CACNG2: variants seen among roughly 807,000 people sequenced by gnomAD.
The protein encoded by CACNG2 is voltage-dependent calcium channel gamma-2 subunit.
A neutral mutation model predicts 25.9 loss-of-function variants in CACNG2; 3 were observed. That is an observed-to-expected ratio of 0.12 (90% CI 0.05 to 0.30). The LOEUF is 0.30. CACNG2 is among the 10% of genes least tolerant of loss of function. The pLI, the probability that CACNG2 is intolerant of heterozygous loss-of-function variation, is 1.00. For missense variants in CACNG2, 341 were observed against 432.5 expected, an observed-to-expected ratio of 0.79 and a Z score of 1.88; for synonymous variants, 167 against 173.3, an observed-to-expected ratio of 0.96 and a Z score of 0.29.
intron 1 of CACNG2, among the ~76,000 whole-genome samples, chr22:36,608,866 AGTG>A (rs1264451634): frequency 6.6e-6 from 1 of 152,200 alleles, no homozygotes; most frequent in Non-Finnish European, 1.5e-5. Context: ...CAGTACATGC[AGTG>A]AGCTCTCAGT....
intron 1 of CACNG2, among the ~76,000 whole-genome samples, chr22:36,637,994 C>T (rs575113244): frequency 1.2e-4 from 18 of 152,006 alleles, no homozygotes; most frequent in African/African-American, 4.3e-4. Context: ...TGTACTCCAG[C>T]CTGGGCAACA....
At chr22:36,568,714 A>T (rs1403853673) in intron 2 of CACNG2, among the ~76,000 whole-genome samples, 2 of 152,114 alleles carry the variant, frequency 1.3e-5, no homozygotes, top group African/African-American at 4.8e-5. Context: ...CAGTTTGCTG[A>T]GATGTGTGTG....
chr22:36,687,620 C>T (rs757889247), intron 1 of CACNG2, among the ~76,000 whole-genome samples: 3 of 152,302 alleles, frequency 2.0e-5, no homozygotes, highest in South Asian at 4.1e-4. Flanking sequence ...TCCTGTAACC[C>T]GTGAGTGCGC....
chr22:36,593,901 G>A (rs1288073691), intron 1 of CACNG2, among the ~76,000 whole-genome samples: 1 of 152,200 alleles, frequency 6.6e-6, no homozygotes, highest in Admixed American at 6.5e-5. Flanking sequence ...GGGGGCACTA[G>A]CAGCACTCAA....
intron 1 of CACNG2, among the ~76,000 whole-genome samples, chr22:36,614,616 C>T (rs1020320856): frequency 6.6e-6 from 1 of 152,102 alleles, no homozygotes; most frequent in African/African-American, 2.4e-5. Context: ...TCCGATGCAC[C>T]CAAGCACCAT....
chr22:36,668,590 G>A (rs1364852439), intron 1 of CACNG2, among the ~76,000 whole-genome samples: 1 of 151,964 alleles, frequency 6.6e-6, no homozygotes, highest in Admixed American at 6.6e-5. Context: ...TGGGGCTCAA[G>A]CAATCCTCTT....
chr22:36,689,147 G>T (rs961594403), intron 1 of CACNG2, among the ~76,000 whole-genome samples: 1 of 152,052 alleles, frequency 6.6e-6, no homozygotes, highest in East Asian at 1.9e-4. Flanking sequence ...TCAAGTCCCT[G>T]AGCTCACTGG....
intron 1 of CACNG2, among the ~76,000 whole-genome samples, chr22:36,647,935 G>A (rs1198463009): frequency 1.3e-5 from 2 of 152,182 alleles, no homozygotes; most frequent in African/African-American, 2.4e-5. Context: ...AGCAGGAAAT[G>A]GATTGCTTTC....
chr22:36,644,217 CCCAGGCT>C (rs1461127072), intron 1 of CACNG2, among the ~76,000 whole-genome samples: 2 of 152,184 alleles, frequency 1.3e-5, no homozygotes, highest in Admixed American at 6.5e-5. Flanking sequence ...GCTGTGAGGT[CCCAGGCT>C]CCAGCTGAAC....
chr22:36,598,219 G>A (rs780776479), intron 1 of CACNG2, among the ~76,000 whole-genome samples: 41 of 152,168 alleles, frequency 2.7e-4, no homozygotes, highest in Non-Finnish European at 5.0e-4. Flanking sequence ...GGTGTCCAGC[G>A]ACTGTACTAC....
chr22:36,648,759 G>A (rs542738635), intron 1 of CACNG2, among the ~76,000 whole-genome samples: 8 of 152,210 alleles, frequency 5.3e-5, no homozygotes, highest in Admixed American at 2.0e-4. Context: ...GGGAACCTGG[G>A]AATCTTCTTT....
At chr22:36,665,267 G>A (rs1018773941) in intron 1 of CACNG2, among the ~76,000 whole-genome samples, 1 of 152,200 alleles carries the variant, frequency 6.6e-6, no homozygotes, top group African/African-American at 2.4e-5. Context: ...TGGGTTCGAA[G>A]CCTGCTCTGT....
intron 1 of CACNG2, among the ~76,000 whole-genome samples, chr22:36,636,210 C>A (rs1936355032): frequency 6.6e-6 from 1 of 152,192 alleles, no homozygotes; most frequent in African/African-American, 2.4e-5. Flanking sequence ...CCCATTCTAT[C>A]CCTTTCCACC....
At chr22:36,653,876 G>A (rs1206879311) in intron 1 of CACNG2, among the ~76,000 whole-genome samples, 1 of 151,350 alleles carries the variant, frequency 6.6e-6, no homozygotes, top group Non-Finnish European at 1.5e-5. Context: ...CACATTATAA[G>A]AGAGAGAGGA....
chr22:36,641,859 G>A (rs547729726), intron 1 of CACNG2, among the ~76,000 whole-genome samples: 3 of 152,322 alleles, frequency 2.0e-5, no homozygotes, highest in Admixed American at 2.0e-4. Flanking sequence ...GTCATTTACA[G>A]TTCATGTCTC....
intron 1 of CACNG2, among the ~76,000 whole-genome samples, chr22:36,675,328 G>A (rs74370631): frequency 0.02 from 3,086 of 152,146 alleles, 121 homozygotes; most frequent in African/African-American, 0.071. Flanking sequence ...ACAGGCATGA[G>A]CCACCATGCC....
At chr22:36,662,746 C>T (rs1936818113) in intron 1 of CACNG2, among the ~76,000 whole-genome samples, 1 of 152,196 alleles carries the variant, frequency 6.6e-6, no homozygotes, top group African/African-American at 2.4e-5. Flanking sequence ...GTCTCCTGGG[C>T]ACCGTGCATG....
rs115330652 is a variant in CACNG2, at chr22:36,660,064, C to T, written c.211+42302G>A. Among the ~76,000 whole-genome samples, 333 of 152,330 alleles carry T rather than the reference C, an allele frequency of 2.2e-3. 3 individuals carry two copies. Among genetic ancestry groups the T allele is most frequent in the African/African-American group, 7.6e-3 (314 of 41,576 alleles). On this transcript the variant is annotated intron_variant, in intron 1 of 3. Coordinates refer to ENST00000300105, the MANE Select transcript of CACNG2 (RefSeq NM_006078.5). ...CTCTGCTCCTGGTACCCGCACAAGC[C>T]GGGGCCTCCCAGGTCAGCTCTCATT...
At chr22:36,576,307 A>G (rs575035274) in intron 2 of CACNG2, among the ~76,000 whole-genome samples, 1 of 152,316 alleles carries the variant, frequency 6.6e-6, no homozygotes, top group African/African-American at 2.4e-5. Flanking sequence ...GTTCTCACTC[A>G]TAAGTGGGAG....
Sources: allele counts gnomAD v4.1 joint callset (sites outside exome capture counted in the v4.1 genomes callset), GRCh38; gene constraint gnomAD v4.1.1; transcripts MANE v1.5; gene names NCBI Gene and HGNC (gene_info 2026-07-23, HGNC 2026-07-21).